The following RBMS1 variants were observed in gnomAD, a reference collection of about 807,000 sequenced individuals.
The protein encoded by RBMS1 is RNA binding motif single stranded interacting protein 1, also known as RNA-binding motif, single-stranded-interacting protein 1.
RBMS1 carries 17 observed loss-of-function variants against 62.3 expected under a neutral mutation model. The observed-to-expected ratio is 0.27, with a 90% CI of 0.19 to 0.41. The LOEUF (loss-of-function observed/expected upper bound fraction) is 0.41, where lower values mean the gene tolerates loss of function less well. Among genes scored for constraint, RBMS1 ranks in the 10% least tolerant of loss-of-function variants. The pLI, the probability that RBMS1 is intolerant of heterozygous loss-of-function variation, is 1.00. For missense variants in RBMS1, 334 were observed against 504.5 expected, an observed-to-expected ratio of 0.66 and a Z score of 3.24; for synonymous variants, 172 against 170.0, an observed-to-expected ratio of 1.01 and a Z score of -0.09.
chr2:160,349,643 A>G (rs1019640857), intron 2 of RBMS1, among the ~76,000 whole-genome samples: 17 of 151,970 alleles, frequency 1.1e-4, no homozygotes, highest in African/African-American at 4.1e-4. Flanking sequence ...TTTGGCTATC[A>G]AGATAAAAAT....
At chr2:160,487,151 A>G (rs1217671202) in intron 1 of RBMS1, among the ~76,000 whole-genome samples, 2 of 152,264 alleles carry the variant, frequency 1.3e-5, no homozygotes, top group Non-Finnish European at 2.9e-5. Flanking sequence ...AGCAGAAAAA[A>G]TGCAAAACAA....
intron 2 of RBMS1, among the ~76,000 whole-genome samples, chr2:160,351,092 C>T (rs888103375): frequency 3.3e-5 from 5 of 151,218 alleles, no homozygotes; most frequent in South Asian, 2.1e-4. Context: ...AACCAAACAC[C>T]GCATGTTCTC....
intron 1 of RBMS1, among the ~76,000 whole-genome samples, chr2:160,431,754 G>A (rs1214451733): frequency 1.3e-5 from 2 of 152,148 alleles, no homozygotes; most frequent in African/African-American, 2.4e-5. Flanking sequence ...TGCATGGAAT[G>A]CTCCTTCTCT....
chr2:160,428,854 A>T (rs1429435938), intron 1 of RBMS1, among the ~76,000 whole-genome samples: 2 of 152,184 alleles, frequency 1.3e-5, no homozygotes, highest in Non-Finnish European at 2.9e-5. Flanking sequence ...CCGCCCTTTG[A>T]CATTGTGCTT....
intron 1 of RBMS1, among the ~76,000 whole-genome samples, chr2:160,426,284 AGAAAGAAAAGAAAGAAGGAAGGAAG>A (rs1682597511): frequency 8.6e-6 from 1 of 116,002 alleles, no homozygotes; most frequent in Non-Finnish European, 1.8e-5. Context: ...AAAGAAAGAA[AGAAAGAAAAGAAAGAAGGAAGGAAG>A]GAAGGAAGGA....
intron 2 of RBMS1, among the ~76,000 whole-genome samples, chr2:160,346,846 C>A (rs933274155): frequency 1.3e-5 from 2 of 152,128 alleles, no homozygotes; most frequent in Non-Finnish European, 2.9e-5. Context: ...TTCCAAAATA[C>A]ACCAAAGAAA....
At chr2:160,358,309 C>T (rs1692919010) in intron 2 of RBMS1, among the ~76,000 whole-genome samples, 1 of 152,106 alleles carries the variant, frequency 6.6e-6, no homozygotes, top group Non-Finnish European at 1.5e-5. Flanking sequence ...ATCAGTGACT[C>T]AACATTTTGA....
intron 1 of RBMS1, among the ~76,000 whole-genome samples, chr2:160,410,221 C>CAAAAAAAAA (rs575199475): frequency 1.5e-5 from 1 of 68,022 alleles, no homozygotes; most frequent in Non-Finnish European, 2.6e-5. Flanking sequence ...GACCCCGTCT[C>CAAAAAAAAA]AAAAAAAAAA....
At chr2:160,403,842 A>G (rs1695554531) in intron 1 of RBMS1, among the ~76,000 whole-genome samples, 1 of 152,262 alleles carries the variant, frequency 6.6e-6, no homozygotes, top group South Asian at 2.1e-4. Flanking sequence ...TCAAGAAAGC[A>G]GTTCCAAAAT....
At chr2:160,491,112 A>G (rs200478889) in intron 1 of RBMS1, among the ~76,000 whole-genome samples, 1 of 38 alleles carries the variant, frequency 0.026, no homozygotes. Flanking sequence ...AAGGGAGAGA[A>G]AAAAAAAAGG....
At chr2:160,330,310 T>C (rs975475412) in intron 2 of RBMS1, among the ~76,000 whole-genome samples, 2 of 152,174 alleles carry the variant, frequency 1.3e-5, no homozygotes, top group African/African-American at 4.8e-5. Context: ...AAGGGAGGCA[T>C]CTGGGGATAT....
chr2:160,359,872 T>C (rs1188944732), intron 2 of RBMS1, among the ~76,000 whole-genome samples: 2 of 152,212 alleles, frequency 1.3e-5, no homozygotes, highest in Non-Finnish European at 2.9e-5. Context: ...AATGGAGATG[T>C]ACAAATAATG....
intron 1 of RBMS1, among the ~76,000 whole-genome samples, chr2:160,381,588 A>T (rs934770386): frequency 1.2e-4 from 19 of 152,206 alleles, no homozygotes; most frequent in Admixed American, 5.9e-4. Context: ...GTGAAAGATC[A>T]GTCGACAACC....
intron 2 of RBMS1, among the ~76,000 whole-genome samples, chr2:160,325,532 A>G (rs1211433972): frequency 6.6e-6 from 1 of 152,242 alleles, no homozygotes; most frequent in African/African-American, 2.4e-5. Context: ...GTACACACAG[A>G]TGAATGCAGT....
chr2:160,315,842 A>C (rs1690191067), intron 3 of RBMS1, among the ~76,000 whole-genome samples: 1 of 152,202 alleles, frequency 6.6e-6, no homozygotes, highest in African/African-American at 2.4e-5. Flanking sequence ...ATAGCAACTG[A>C]ATTGTGAATT....
At chr2:160,295,035 GA>G (rs1688865536) in intron 6 of RBMS1, among the ~76,000 whole-genome samples, 1 of 149,222 alleles carries the variant, frequency 6.7e-6, no homozygotes, top group African/African-American at 2.5e-5. Context: ...AAAAAAAAAA[GA>G]AAAAAGAAGT....
chr2:160,292,663 T>A lies in RBMS1; in HGVS notation c.641-5579A>T, dbSNP rs76830042. Among the ~76,000 whole-genome samples the A allele has an allele frequency of 4.4e-3, 675 of 152,358 alleles. 2 individuals are homozygous for A. The highest frequency in any genetic ancestry group is 0.016 in the African/African-American group (648 of 41,584). On this transcript the variant is annotated intron_variant, in intron 6 of 13. Coordinates refer to ENST00000348849, the MANE Select transcript of RBMS1 (RefSeq NM_016836.4). ...ACTTCTACCCAAGAGCCTTGTGCTT[T>A]AATAAAATCTTACTCCACTATTTAC...
intron 1 of RBMS1, among the ~76,000 whole-genome samples, chr2:160,487,873 T>TC (rs1191508045): frequency 6.6e-6 from 1 of 152,220 alleles, no homozygotes; most frequent in Non-Finnish European, 1.5e-5. Context: ...GTTGATTTTT[T>TC]CTCTCTCCTT....
chr2:160,353,955 T>C (rs1028745542), intron 2 of RBMS1, among the ~76,000 whole-genome samples: 2 of 151,998 alleles, frequency 1.3e-5, no homozygotes, highest in Non-Finnish European at 2.9e-5. Flanking sequence ...ACTTTATAGG[T>C]AAGGAAACTG....
Sources: gnomAD v4.1 joint callset for allele counts (sites outside exome capture counted in the v4.1 genomes callset) on GRCh38, gnomAD v4.1.1 for gene constraint, MANE v1.5 for transcripts, NCBI Gene and HGNC (gene_info 2026-07-23, HGNC 2026-07-21) for gene names.